The following SP140L variants were observed in gnomAD, a reference collection of about 807,000 sequenced individuals.
SP140L encodes nuclear body protein SP140-like protein.
SP140L carries 64 observed loss-of-function variants against 84.3 expected under a neutral mutation model. The ratio of observed to expected loss-of-function variants is 0.76; its 90% CI spans 0.62 to 0.94. The LOEUF (loss-of-function observed/expected upper bound fraction) is 0.94. SP140L is among the 40% of genes least tolerant of loss of function. The pLI is 0.00. For synonymous variants in SP140L, 242 were observed against 236.9 expected, an observed-to-expected ratio of 1.02 and a Z score of -0.20; for missense variants, 628 against 692.5, an observed-to-expected ratio of 0.91 and a Z score of 1.05.
rs1199412873 is a variant in SP140L, at chr2:230,396,694, G to A, written c.1156-63G>A. On this transcript the variant is annotated intron_variant, in intron 13 of 18. Transcript: ENST00000415673. Reference sequence around the variant, plus strand: ...TTCAAAGATGACTATTTAAATTTAAGTAAGTGATAGATGGAAACAATGCAT... The same window carrying A: ...TTCAAAGATGACTATTTAAATTTAAATAAGTGATAGATGGAAACAATGCAT... 11 of 1,572,796 alleles carry A rather than the reference G, an allele frequency of 7.0e-6. No individual in the cohort carries two copies. The Admixed American group carries it at 1.0e-4, about 15-fold the overall frequency.
chr2:230,392,477 A>T (rs192175375), intron 12 of SP140L, among the ~76,000 whole-genome samples: 57 of 152,312 alleles, frequency 3.7e-4, no homozygotes, highest in African/African-American at 1.3e-3. Flanking sequence ...AATTCTGACT[A>T]GGGTGCATGT....
At chr2:230,381,099 C>A (rs1334140718) in intron 7 of SP140L, among the ~76,000 whole-genome samples, 1 of 151,410 alleles carries the variant, frequency 6.6e-6, no homozygotes, top group Non-Finnish European at 1.5e-5. Flanking sequence ...GTGTGTGCTG[C>A]AGTGGAGGAA....
intron 7 of SP140L, among the ~76,000 whole-genome samples, chr2:230,377,653 C>A (rs1259177101): frequency 1.3e-5 from 2 of 152,006 alleles, no homozygotes; most frequent in Middle Eastern, 3.2e-3. Flanking sequence ...GGAGTGAATG[C>A]CCAGGAGTGG....
At chr2:230,367,310 TGAGAC>T (rs2060916716) in intron 5 of SP140L, among the ~76,000 whole-genome samples, 1 of 147,548 alleles carries the variant, frequency 6.8e-6, no homozygotes, top group African/African-American at 2.5e-5. Flanking sequence ...TTTTTTTTTT[TGAGAC>T]AGAGTCTCAC....
intron 2 of SP140L, among the ~76,000 whole-genome samples, chr2:230,337,269 T>A (rs1384269616): frequency 6.6e-6 from 1 of 152,166 alleles, no homozygotes; most frequent in Non-Finnish European, 1.5e-5. Flanking sequence ...TTTTCATGTG[T>A]CTTTTGGCTG....
chr2:230,347,999 G>A (rs1013757836), intron 2 of SP140L, among the ~76,000 whole-genome samples: 1 of 152,188 alleles, frequency 6.6e-6, no homozygotes, highest in Non-Finnish European at 1.5e-5. Context: ...TAGCCCCACT[G>A]ATTTCCTCTT....
intron 7 of SP140L, among the ~76,000 whole-genome samples, chr2:230,382,898 A>G (rs1395646084): frequency 1.3e-5 from 2 of 152,252 alleles, no homozygotes; most frequent in Non-Finnish European, 1.5e-5. Context: ...TAAAGGGCAC[A>G]TCAGACTGCA....
At chr2:230,396,644 T>G (rs1335651341) in intron 13 of SP140L, 113 bp from the exon 14 acceptor site, 2 of 1,304,892 alleles carry the variant, frequency 1.5e-6, no homozygotes, top group Non-Finnish European at 1.1e-6. Flanking sequence ...CCCAATTATT[T>G]TTTTACAACT....
At chr2:230,378,550 A>T (rs1195559380) in intron 7 of SP140L, among the ~76,000 whole-genome samples, 1 of 152,246 alleles carries the variant, frequency 6.6e-6, no homozygotes, top group Admixed American at 6.5e-5. Flanking sequence ...GGTGTGAGAG[A>T]GGTTATGAAC....
At chr2:230,394,859 A>T (rs1280366595) in intron 13 of SP140L, among the ~76,000 whole-genome samples, 1 of 152,224 alleles carries the variant, frequency 6.6e-6, no homozygotes, top group Non-Finnish European at 1.5e-5. Context: ...GCCACATGAT[A>T]ATGTCTCTGC....
At chr2:230,377,864 T>C (rs1226035018) in intron 7 of SP140L, among the ~76,000 whole-genome samples, 4 of 152,052 alleles carry the variant, frequency 2.6e-5, no homozygotes, top group Admixed American at 1.3e-4. Flanking sequence ...TTTTCCTTTA[T>C]AATCTGTGAT....
intron 7 of SP140L, among the ~76,000 whole-genome samples, chr2:230,376,054 C>A (rs369368162): frequency 1.3e-5 from 2 of 152,052 alleles, no homozygotes; most frequent in Non-Finnish European, 2.9e-5. Flanking sequence ...ACATTTAAGC[C>A]TTTAATCTAT....
intron 2 of SP140L, among the ~76,000 whole-genome samples, chr2:230,348,501 CT>C (rs2060275190): frequency 6.6e-6 from 1 of 152,126 alleles, no homozygotes. Context: ...CTCTTCTTGT[CT>C]TTATTATCTT....
At chr2:230,337,524 T>C (rs1489322936) in intron 2 of SP140L, among the ~76,000 whole-genome samples, 1 of 151,816 alleles carries the variant, frequency 6.6e-6, no homozygotes, top group African/African-American at 2.4e-5. Context: ...CAATTTTGTC[T>C]TTTGTTGCCA....
intron 2 of SP140L, among the ~76,000 whole-genome samples, chr2:230,352,006 A>G (rs2060379466): frequency 6.6e-6 from 1 of 152,226 alleles, no homozygotes; most frequent in South Asian, 2.1e-4. Context: ...TAATAATTTC[A>G]GAAAAATTGA....
chr2:230,359,082 A>T lies in SP140L; in HGVS notation c.389A>T (p.Asn130Ile). 6.2e-7 allele frequency: 1 copy of T among 1,612,636 alleles called. No homozygotes were observed. The highest frequency in any genetic ancestry group is 1.1e-5 in the South Asian group (1 of 90,800). ...TTGGAAGCACTGTTCAGCGAGGTCAACATGCAGGAATACCCCGATTTAATT... is the reference window on the plus strand; with the variant it reads ...TTGGAAGCACTGTTCAGCGAGGTCATCATGCAGGAATACCCCGATTTAATT... ...SVLEALFSEV[N>I]MQEYPDLIHI... The change falls in exon 4 of 19, where the codon AAC (asparagine) becomes ATC (isoleucine). Residue 130 changes from asparagine to isoleucine, a missense_variant. Transcript: ENST00000415673.
intron 11 of SP140L, among the ~76,000 whole-genome samples, 185 bp downstream of exon 11, chr2:230,390,208 G>A (rs2061744116): frequency 1.3e-5 from 2 of 152,192 alleles, no homozygotes; most frequent in Non-Finnish European, 2.9e-5. Flanking sequence ...ATTAGACGCT[G>A]ACTCGCACAT....
intron 11 of SP140L, chr2:230,391,585 A>G (rs1413635085): frequency 6.5e-6 from 1 of 153,296 alleles, no homozygotes; most frequent in South Asian, 2.0e-4. Flanking sequence ...CTGTTCAATA[A>G]TGCCCTAAAA....
intron 2 of SP140L, among the ~76,000 whole-genome samples, chr2:230,346,702 A>AT (rs1194485589): frequency 6.6e-6 from 1 of 151,912 alleles, no homozygotes; most frequent in African/African-American, 2.4e-5. Flanking sequence ...CAGTCATTGT[A>AT]TTTTTTAGAT....
Sources: allele counts gnomAD v4.1 joint callset (sites outside exome capture counted in the v4.1 genomes callset), GRCh38; gene constraint gnomAD v4.1.1; transcripts MANE v1.5; gene names NCBI Gene and HGNC (gene_info 2026-07-23, HGNC 2026-07-21).